Variants in OPRM1 observed in about 807,000 individuals in gnomAD.
OPRM1 encodes the protein mu-type opioid receptor.
A neutral mutation model predicts 31.8 loss-of-function variants in OPRM1; 27 were observed. That is an observed-to-expected ratio of 0.85 (90% CI 0.63 to 1.17). The LOEUF (loss-of-function observed/expected upper bound fraction) is 1.17, where lower values mean the gene tolerates loss of function less well. OPRM1 is among the 50% of genes most tolerant of loss of function. The pLI, the probability that OPRM1 is intolerant of heterozygous loss-of-function variation, is 0.00. For missense variants in OPRM1, 536 were observed against 511.1 expected (o/e 1.05, Z -0.47); for synonymous variants, 196 against 189.9 (o/e 1.03, Z -0.26).
intron 1 of OPRM1, among the ~76,000 whole-genome samples, chr6:154,017,118 T>C (rs1778049839): frequency 6.6e-6 from 1 of 152,120 alleles, no homozygotes; most frequent in Admixed American, 6.6e-5. Flanking sequence ...ATGAAACTAA[T>C]TTCTCTCCTC....
At position 154,129,214 on chromosome 6, in the gene OPRM1, CAG is replaced by C. The variant is rs1797752363; in HGVS notation, c.*10494_*10495del. Among the ~76,000 whole-genome samples the C allele has an allele frequency of 6.6e-6, 1 of 152,178 alleles. No individual in the cohort carries two copies. Among genetic ancestry groups the C allele is most frequent in the South Asian group, 2.1e-4 (1 of 4,826 alleles). ...ATTTGAGCAAGCAAGGGGTATGTGA[CAG>C]GGGCTGCATGCACCGGTGGTCTGGG... On this transcript the variant is annotated 3_prime_UTR_variant, in exon 4 of 4. Coordinates refer to ENST00000330432, the MANE Select transcript of OPRM1 (RefSeq NM_000914.5).
intron 3 of OPRM1, among the ~76,000 whole-genome samples, chr6:154,203,408 G>A (rs138203378): frequency 6.4e-4 from 98 of 152,308 alleles, no homozygotes; most frequent in Non-Finnish European, 8.2e-4. Context: ...CCCTTGAACA[G>A]TAGGGATTCA....
rs1800130883 is a variant in OPRM1 at position 154,174,423 on chromosome 6, C to T, written c.1165-72270C>T. Among the ~76,000 whole-genome samples, 4 of 152,092 alleles carry T rather than the reference C, an allele frequency of 2.6e-5. No homozygotes were observed. The South Asian group carries it at 8.3e-4, about 32-fold the overall frequency. ...CCATCAGTGTGCTATATTCAGGAGA[C>T]CCATCTCACGTGCAGAGACACACAC... On this transcript the variant is annotated intron_variant, in intron 3 of 3. Coordinates refer to the OPRM1 transcript ENST00000337049.
At chr6:154,051,922 C>A (rs958881997) in intron 1 of OPRM1, among the ~76,000 whole-genome samples, 11 of 152,106 alleles carry the variant, frequency 7.2e-5, no homozygotes, top group Non-Finnish European at 1.5e-4. Flanking sequence ...GACATGGAAC[C>A]AACCCAAATG....
chr6:154,026,115 T>C (rs2128384851), intron 1 of OPRM1, among the ~76,000 whole-genome samples: 1 of 152,282 alleles, frequency 6.6e-6, no homozygotes, highest in Non-Finnish European at 1.5e-5. Context: ...GCATTTCTTG[T>C]AGGACAGGTC....
chr6:154,158,587 G>A (rs1191393381), intron 3 of OPRM1: 1 of 152,040 alleles, frequency 6.6e-6, no homozygotes, highest in East Asian at 1.9e-4. Context: ...GGTTGGGGTG[G>A]GGAAGAAAAT....
intron 1 of OPRM1, among the ~76,000 whole-genome samples, chr6:154,014,303 C>T (rs996945451): frequency 1.3e-5 from 2 of 152,014 alleles, no homozygotes; most frequent in South Asian, 2.1e-4. Context: ...TTCGAAGAAA[C>T]TTGATTTTAC....
In OPRM1 at chr6:154,033,992, C is replaced by T. The variant is rs1488245043; in HGVS notation, c.1-5169C>T. Among the ~76,000 whole-genome samples, 3 of 152,166 alleles carry T rather than the reference C, an allele frequency of 2.0e-5. 1 individual carries two copies. The highest frequency in any genetic ancestry group is 4.1e-4 in the South Asian group (2 of 4,834). On this transcript the variant is annotated intron_variant, in intron 1 of 5. Transcript: ENST00000434900. Reference sequence around the variant, plus strand: ...TAAGAGTCACTGTACTCTTCACAGACGTGCACTCACAGAAGAAAAACACGA... The same window carrying T: ...TAAGAGTCACTGTACTCTTCACAGATGTGCACTCACAGAAGAAAAACACGA...
chr6:154,185,797 TTC>T (rs1801290362), intron 3 of OPRM1, among the ~76,000 whole-genome samples: 1 of 152,170 alleles, frequency 6.6e-6, no homozygotes. Flanking sequence ...TCACAAAAAA[TTC>T]TCATAATGTT....
In OPRM1 at chr6:154,120,975, G is replaced by T. The variant is rs371997958; in HGVS notation, c.*2254G>T. On this transcript the variant is annotated 3_prime_UTR_variant, in exon 4 of 4. Transcript: ENST00000330432. ...AAAGTAAATAATAAATAAGGTCATT[G>T]TCAACGTTTTTCATTCAAAACCATT... is the stretch of plus-strand genomic sequence containing the variant. 5.0e-4 allele frequency among the ~76,000 whole-genome samples: 76 copies of T among 152,278 alleles called. No homozygotes were observed. Among genetic ancestry groups the T allele is most frequent in the African/African-American group, 1.8e-3 (74 of 41,566 alleles).
At chr6:154,225,472 G>A (rs1043874586) in intron 3 of OPRM1, among the ~76,000 whole-genome samples, 2 of 152,210 alleles carry the variant, frequency 1.3e-5, no homozygotes, top group Non-Finnish European at 2.9e-5. Flanking sequence ...CTTGTGTTAA[G>A]TGAAAGAAAC....
intron 3 of OPRM1, among the ~76,000 whole-genome samples, chr6:154,234,189 A>AT (rs1779934932): frequency 6.6e-6 from 1 of 152,050 alleles, no homozygotes; most frequent in Admixed American, 6.6e-5. Flanking sequence ...GTGAGACCCC[A>AT]TCTCTAAAAA....
intron 1 of OPRM1, among the ~76,000 whole-genome samples, chr6:154,062,103 T>A (rs183800902): frequency 1.8e-4 from 27 of 152,264 alleles, no homozygotes; most frequent in African/African-American, 6.5e-4. Flanking sequence ...TTAGAGTGAT[T>A]TATATTTTAG....
chr6:154,142,314 T>C (rs1251959485), intron 3 of OPRM1, among the ~76,000 whole-genome samples: 1 of 152,086 alleles, frequency 6.6e-6, no homozygotes. Context: ...ACACCTGAAA[T>C]TGGTCATCAG....
At chr6:154,223,734 ACTTAAATGAG>A (rs1185414368) in intron 3 of OPRM1, among the ~76,000 whole-genome samples, 1 of 152,214 alleles carries the variant, frequency 6.6e-6, no homozygotes, top group African/African-American at 2.4e-5. Flanking sequence ...GGTTGTTGTG[ACTTAAATGAG>A]CTCAGATAAA....
At chr6:154,100,990 C>T (rs1794754915) in intron 3 of OPRM1, among the ~76,000 whole-genome samples, 1 of 149,172 alleles carries the variant, frequency 6.7e-6, no homozygotes, top group Non-Finnish European at 1.5e-5. Flanking sequence ...TACCTAAGTC[C>T]CTTGAAGTGT....
chr6:154,203,317 A>G (rs1172844398), intron 3 of OPRM1, among the ~76,000 whole-genome samples: 1 of 152,188 alleles, frequency 6.6e-6, no homozygotes, highest in African/African-American at 2.4e-5. Flanking sequence ...GGGGCCAGGT[A>G]GGTGCTTTGC....
At position 154,099,850 on chromosome 6, in the gene OPRM1, ATATAT is replaced by A. The variant is rs549245766; in HGVS notation, c.1164+8384_1164+8388del. The stretch of plus-strand genomic sequence containing the variant: ...ATATATCATATCAGGATATATCATA[ATATAT>A]TATATATTATCATATGATATATATC... On this transcript the variant is annotated intron_variant, in intron 3 of 3. Coordinates refer to ENST00000330432, the MANE Select transcript of OPRM1 (RefSeq NM_000914.5). Among the ~76,000 whole-genome samples the A allele has an allele frequency of 6.8e-4, 100 of 146,092 alleles. No homozygotes were observed. The East Asian group carries it at 0.015, about 22-fold the overall frequency.
intron 3 of OPRM1, among the ~76,000 whole-genome samples, chr6:154,242,981 G>A (rs1369959452): frequency 6.6e-6 from 1 of 152,168 alleles, no homozygotes; most frequent in Non-Finnish European, 1.5e-5. Flanking sequence ...CTAGAAGAAG[G>A]CTATTTAAGC....
Sources: allele counts gnomAD v4.1 joint callset (sites outside exome capture counted in the v4.1 genomes callset), GRCh38; gene constraint gnomAD v4.1.1; transcripts MANE v1.5; gene names NCBI Gene and HGNC (gene_info 2026-07-23, HGNC 2026-07-21).